The following LRRC4C variants were observed in gnomAD, a reference collection of about 807,000 sequenced individuals.
The protein encoded by LRRC4C is leucine-rich repeat-containing protein 4C.
A neutral mutation model predicts 33.6 loss-of-function variants in LRRC4C; 5 were observed. The ratio of observed to expected loss-of-function variants is 0.15; its 90% confidence interval spans 0.08 to 0.31. The LOEUF (loss-of-function observed/expected upper bound fraction) is 0.31, where lower values mean the gene tolerates loss of function less well. LRRC4C is among the 10% of genes least tolerant of loss of function. The pLI is 1.00. For missense variants in LRRC4C, 560 were observed against 796.7 expected, an observed-to-expected ratio of 0.70 and a Z score of 3.58; for synonymous variants, 329 against 302.0, an observed-to-expected ratio of 1.09 and a Z score of -0.93.
chr11:40,371,195 A>T (rs972778973), intron 3 of LRRC4C, among the ~76,000 whole-genome samples: 1 of 152,214 alleles, frequency 6.6e-6, no homozygotes, highest in Non-Finnish European at 1.5e-5. Flanking sequence ...TAATTTAAAA[A>T]TGTCATAGAC....
intron 2 of LRRC4C, among the ~76,000 whole-genome samples, chr11:40,740,304 C>T (rs1006774462): frequency 6.6e-6 from 1 of 151,998 alleles, no homozygotes; most frequent in South Asian, 2.1e-4. Context: ...TTACTTTTCT[C>T]CACATTTTCT....
chr11:41,285,495 G>C (rs1254546854), intron 1 of LRRC4C, among the ~76,000 whole-genome samples: 1 of 152,154 alleles, frequency 6.6e-6, no homozygotes. Context: ...TAAGCTAACA[G>C]CCTAGTAGGG....
intron 3 of LRRC4C, among the ~76,000 whole-genome samples, chr11:40,375,649 A>G (rs1948629501): frequency 6.6e-6 from 1 of 152,184 alleles, no homozygotes; most frequent in African/African-American, 2.4e-5. Flanking sequence ...ATATTGTATG[A>G]TGACTGCACA....
At chr11:40,239,102 G>A (rs753273387) in intron 5 of LRRC4C, among the ~76,000 whole-genome samples, 2 of 152,078 alleles carry the variant, frequency 1.3e-5, no homozygotes, top group Non-Finnish European at 2.9e-5. Flanking sequence ...CTCAGTATTT[G>A]CTGTCTCTAT....
chr11:40,794,373 CAAAAAAAAAAAAAAAAA>C (rs57476895), intron 2 of LRRC4C, among the ~76,000 whole-genome samples: 2 of 77,216 alleles, frequency 2.6e-5, no homozygotes, highest in African/African-American at 3.6e-5. Flanking sequence ...TAAACGCCAG[CAAAAAAAAAAAAAAAAA>C]AAAAAAAAAA....
chr11:40,896,103 T>C (rs1245168786), intron 2 of LRRC4C, among the ~76,000 whole-genome samples: 1 of 152,196 alleles, frequency 6.6e-6, no homozygotes, highest in East Asian at 1.9e-4. Context: ...GAACCCTTTA[T>C]GTTTCCTTCA....
At chr11:40,469,001 C>T (rs1157628590) in intron 3 of LRRC4C, among the ~76,000 whole-genome samples, 1 of 152,126 alleles carries the variant, frequency 6.6e-6, no homozygotes, top group Non-Finnish European at 1.5e-5. Flanking sequence ...AAAAATAATA[C>T]AATGTTAGGC....
At chr11:41,151,150 T>C (rs1166354475) in intron 1 of LRRC4C, among the ~76,000 whole-genome samples, 3 of 152,204 alleles carry the variant, frequency 2.0e-5, no homozygotes, top group African/African-American at 7.2e-5. Context: ...GAGAGAGGTC[T>C]GCTGATTTAA....
rs1245218288 is a variant in LRRC4C at position 41,341,174 on chromosome 11, TTA to T, written c.-496+118255_-496+118256del. On this transcript the variant is annotated intron_variant, in intron 1 of 6. Transcript: ENST00000528697. ...AGTAATAGTGTGTTAGGTGAGGATG[TTA>T]CTTAAGAAAACAAGTACCAGAGAAA... Among the ~76,000 whole-genome samples the T allele has an allele frequency of 1.5e-3, 226 of 151,966 alleles. 6 individuals are homozygous for T. Among genetic ancestry groups the T allele is most frequent in the Non-Finnish European group, 4.6e-4 (31 of 67,982 alleles).
intron 3 of LRRC4C, among the ~76,000 whole-genome samples, chr11:40,381,282 A>G (rs904656857): frequency 2.1e-4 from 32 of 151,970 alleles, no homozygotes; most frequent in Admixed American, 2.1e-3. Context: ...CGGTGGGGTC[A>G]ATCTGAGGTA....
At chr11:40,305,609 CA>C (rs78364325) in intron 4 of LRRC4C, among the ~76,000 whole-genome samples, 14,241 of 96,184 alleles carry the variant, frequency 0.15, 736 homozygotes, top group African/African-American at 0.21. Context: ...TTGTCAAATA[CA>C]AAAAAAAAAA....
chr11:41,018,547 C>T (rs1405606957), intron 1 of LRRC4C, among the ~76,000 whole-genome samples: 1 of 152,078 alleles, frequency 6.6e-6, no homozygotes, highest in Non-Finnish European at 1.5e-5. Flanking sequence ...CATTTTATTT[C>T]TCCTTGATTA....
chr11:40,531,314 C>CCTAA (rs1956262113), intron 3 of LRRC4C, among the ~76,000 whole-genome samples: 1 of 152,088 alleles, frequency 6.6e-6, no homozygotes, highest in Non-Finnish European at 1.5e-5. Context: ...TCCTGACTGA[C>CCTAA]CTAATCCTAG....
intron 1 of LRRC4C, among the ~76,000 whole-genome samples, chr11:41,443,667 G>A (rs956303959): frequency 1.3e-5 from 2 of 150,450 alleles, no homozygotes; most frequent in African/African-American, 4.9e-5. Flanking sequence ...CCAGGCTGGA[G>A]TGCAATGGTG....
intron 6 of LRRC4C, among the ~76,000 whole-genome samples, chr11:40,117,067 TATC>T (rs1175047251): frequency 2.6e-5 from 4 of 152,174 alleles, no homozygotes; most frequent in Admixed American, 6.6e-5. Flanking sequence ...AATGAAGAAA[TATC>T]ATCATAGAAG....
chr11:40,780,991 A>C (rs1488940861), intron 2 of LRRC4C, among the ~76,000 whole-genome samples: 1 of 152,150 alleles, frequency 6.6e-6, no homozygotes, highest in African/African-American at 2.4e-5. Flanking sequence ...TGTTCTAAGA[A>C]ATTGGGAAAT....
intron 1 of LRRC4C, among the ~76,000 whole-genome samples, chr11:41,367,660 C>CTGTAT (rs1280620080): frequency 2.2e-4 from 33 of 152,214 alleles, no homozygotes; most frequent in East Asian, 1.5e-3. Context: ...ACTGTATATA[C>CTGTAT]ATACCCCTTC....
At chr11:41,107,694 T>C (rs889565298) in intron 1 of LRRC4C, among the ~76,000 whole-genome samples, 4 of 152,122 alleles carry the variant, frequency 2.6e-5, no homozygotes, top group African/African-American at 9.7e-5. Flanking sequence ...TCCCAGCACT[T>C]TGATAGGCCG....
chr11:40,439,772 A>G (rs1337585358), intron 3 of LRRC4C, among the ~76,000 whole-genome samples: 1 of 152,158 alleles, frequency 6.6e-6, no homozygotes, highest in South Asian at 2.1e-4. Context: ...TTAAATGCCT[A>G]TGTGAAGTAG....
Sources: allele counts gnomAD v4.1 joint callset (sites outside exome capture counted in the v4.1 genomes callset), GRCh38; gene constraint gnomAD v4.1.1; transcripts MANE v1.5; gene names NCBI Gene and HGNC (gene_info 2026-07-23, HGNC 2026-07-21).